NEGR1: variants seen among roughly 807,000 people sequenced by gnomAD.
NEGR1 encodes IgLON family member 4.
In NEGR1, 10 loss-of-function variants were observed where a neutral mutation model predicts 40.9. The observed-to-expected ratio is 0.24, with a 90% CI of 0.15 to 0.42. The LOEUF (loss-of-function observed/expected upper bound fraction) is 0.42, where lower values mean the gene tolerates loss of function less well. Among genes scored for constraint, NEGR1 ranks in the 10% least tolerant of loss-of-function variants. The probability of loss-of-function intolerance (pLI) is 1.00; values close to 1 mark genes in which losing one functional copy is unlikely to be tolerated. For synonymous variants in NEGR1, 185 were observed against 166.8 expected (o/e 1.11, Z -0.84); for missense variants, 352 against 438.9 (o/e 0.80, Z 1.77).
At chr1:71,882,878 T>A (rs1660620043) in intron 2 of NEGR1, among the ~76,000 whole-genome samples, 2 of 152,262 alleles carry the variant, frequency 1.3e-5, no homozygotes, top group African/African-American at 4.8e-5. Context: ...GAAGCTCTGC[T>A]ATTTCATTTG....
intron 6 of NEGR1, among the ~76,000 whole-genome samples, chr1:71,574,153 C>T (rs544631700): frequency 6.6e-6 from 1 of 152,346 alleles, no homozygotes; most frequent in South Asian, 2.1e-4. Context: ...GTTCCCTAAA[C>T]TCAATATTGT....
chr1:71,944,822 G>T (rs1166171132), intron 1 of NEGR1, among the ~76,000 whole-genome samples: 2 of 151,988 alleles, frequency 1.3e-5, no homozygotes, highest in East Asian at 3.9e-4. Flanking sequence ...AATAAAAAAT[G>T]GTTACACAGT....
intron 1 of NEGR1, among the ~76,000 whole-genome samples, chr1:72,021,569 ATG>A (rs949981510): frequency 9.9e-5 from 15 of 152,282 alleles, no homozygotes; most frequent in African/African-American, 3.6e-4. Context: ...ATAATTAGAG[ATG>A]TGATAGAAAT....
intron 1 of NEGR1, among the ~76,000 whole-genome samples, chr1:71,951,902 T>C (rs1302831450): frequency 2.0e-5 from 3 of 151,952 alleles, no homozygotes; most frequent in Admixed American, 6.6e-5. Flanking sequence ...CAGTTATCTT[T>C]GATGTTACCA....
intron 2 of NEGR1, among the ~76,000 whole-genome samples, chr1:71,901,666 A>ATTTTT (rs33958971): frequency 8.6e-6 from 1 of 115,860 alleles, no homozygotes; most frequent in Non-Finnish European, 1.7e-5. Context: ...TGAGATATAA[A>ATTTTT]TTTTTTTTTT....
chr1:71,848,476 A>C (rs948245161), intron 2 of NEGR1, among the ~76,000 whole-genome samples: 2 of 152,180 alleles, frequency 1.3e-5, no homozygotes, highest in Non-Finnish European at 1.5e-5. Flanking sequence ...TACCATTCTG[A>C]AAATCCAAGG....
chr1:71,797,345 G>T (rs1208583081), intron 2 of NEGR1, among the ~76,000 whole-genome samples: 1 of 152,094 alleles, frequency 6.6e-6, no homozygotes, highest in Non-Finnish European at 1.5e-5. Context: ...TAAACATGCT[G>T]CTTGCTCACA....
At chr1:71,909,697 C>T (rs543137412) in intron 2 of NEGR1, among the ~76,000 whole-genome samples, 92 of 152,286 alleles carry the variant, frequency 6.0e-4, no homozygotes, top group African/African-American at 2.1e-3. Context: ...CCACTTTACA[C>T]GAATCTGTCT....
chr1:71,869,309 GATAA>G (rs1341074156), intron 2 of NEGR1, among the ~76,000 whole-genome samples: 10 of 152,002 alleles, frequency 6.6e-5, no homozygotes, highest in Non-Finnish European at 1.5e-5. Context: ...GAGCTAAACT[GATAA>G]ATATAGACAA....
chr1:71,734,946 T>C (rs1654999705), intron 3 of NEGR1, among the ~76,000 whole-genome samples: 1 of 152,032 alleles, frequency 6.6e-6, no homozygotes, highest in Non-Finnish European at 1.5e-5. Flanking sequence ...ATTACAGTCA[T>C]TTCCCCAAGG....
intron 4 of NEGR1, among the ~76,000 whole-genome samples, chr1:71,671,783 C>T (rs1652441508): frequency 6.6e-6 from 1 of 152,158 alleles, no homozygotes; most frequent in Non-Finnish European, 1.5e-5. Flanking sequence ...CCCGTTAGTA[C>T]CCAATTAATC....
chr1:72,188,730 T>C (rs935305453), intron 1 of NEGR1, among the ~76,000 whole-genome samples: 2 of 151,504 alleles, frequency 1.3e-5, no homozygotes, highest in African/African-American at 4.8e-5. Flanking sequence ...CACAGTGTTA[T>C]TAAATTTAGA....
At chr1:72,031,445 C>T (rs1646858020) in intron 1 of NEGR1, among the ~76,000 whole-genome samples, 1 of 152,162 alleles carries the variant, frequency 6.6e-6, no homozygotes, top group Non-Finnish European at 1.5e-5. Context: ...AAATTAAGCA[C>T]ATTTCCTATC....
chr1:71,593,668 T>C lies in NEGR1; in HGVS notation c.789-700A>G, dbSNP rs969288501. Among the ~76,000 whole-genome samples, 4 of 152,216 alleles carry C rather than the reference T, an allele frequency of 2.6e-5. No individual in the cohort carries two copies. The East Asian group carries it at 7.7e-4, about 29-fold the overall frequency. ...TTCAAACTAATTGTCCAACAGTCTC[T>C]GGATTTACCACCAGAGGCCCTCACT... is the stretch of plus-strand genomic sequence containing the variant. On this transcript the variant is annotated intron_variant, in intron 5 of 6. Transcript: ENST00000357731.
intron 1 of NEGR1, among the ~76,000 whole-genome samples, chr1:72,244,702 A>G (rs1033795746): frequency 2.0e-5 from 3 of 151,962 alleles, no homozygotes; most frequent in African/African-American, 7.2e-5. Context: ...TTAGGCTCCT[A>G]TGAGTCTCTG....
chr1:72,064,408 A>G (rs879735360), intron 1 of NEGR1, among the ~76,000 whole-genome samples: 5 of 152,048 alleles, frequency 3.3e-5, no homozygotes, highest in Non-Finnish European at 7.4e-5. Flanking sequence ...TAGTGCACCA[A>G]TAACTGAAAC....
chr1:71,964,084 A>T (rs559873881), intron 1 of NEGR1, among the ~76,000 whole-genome samples: 1 of 152,278 alleles, frequency 6.6e-6, no homozygotes, highest in South Asian at 2.1e-4. Flanking sequence ...AAAAAATTTA[A>T]AATAACCTCA....
intron 1 of NEGR1, among the ~76,000 whole-genome samples, chr1:72,141,890 A>G: frequency 6.6e-6 from 1 of 151,980 alleles, no homozygotes; most frequent in East Asian, 1.9e-4. Context: ...TCAAACAATG[A>G]CAGTTAATAG....
Position 71,404,131 on chromosome 1 carries a change from A to G in NEGR1, c.*3315T>C, listed in dbSNP as rs1212310592. ...TAATTCAGTTTTTCAGAGTTTTCTG[A>G]CTTCAAATGTAGGGGTATTTATATA... On this transcript the variant is annotated 3_prime_UTR_variant, in exon 7 of 7. Coordinates refer to ENST00000357731, the MANE Select transcript of NEGR1 (RefSeq NM_173808.3). The G allele has an allele frequency of 5.1e-6, 1 of 194,754 alleles. No homozygotes were observed. The highest frequency in any genetic ancestry group is 1.0e-5 in the Non-Finnish European group (1 of 96,656). The allele number at this position is 194,754 out of a possible 1,614,324, so 12.1% of individuals were successfully genotyped here.
Sources: gnomAD v4.1 joint callset for allele counts (sites outside exome capture counted in the v4.1 genomes callset) on GRCh38, gnomAD v4.1.1 for gene constraint, MANE v1.5 for transcripts, NCBI Gene and HGNC (gene_info 2026-07-23, HGNC 2026-07-21) for gene names.